The following NAPEPLD variants were observed in gnomAD, a reference collection of about 807,000 sequenced individuals.
NAPEPLD encodes the protein N-acyl phosphatidylethanolamine phospholipase D.
NAPEPLD carries 23 observed loss-of-function variants against 38.1 expected under a neutral mutation model. The observed-to-expected ratio is 0.60, with a 90% CI of 0.43 to 0.86. NAPEPLD has a LOEUF of 0.86. Among genes scored for constraint, NAPEPLD ranks in the 40% least tolerant of loss-of-function variants. The probability of loss-of-function intolerance (pLI) is 0.00; values close to 1 mark genes in which losing one functional copy is unlikely to be tolerated. For synonymous variants in NAPEPLD, 147 were observed against 162.0 expected, an observed-to-expected ratio of 0.91 and a Z score of 0.71; for missense variants, 411 against 476.8, an observed-to-expected ratio of 0.86 and a Z score of 1.28.
Position 103,105,707 on chromosome 7 carries a change from C to T in NAPEPLD, c.1057-2153G>A, listed in dbSNP as rs182314294. ...TCACGCCAGTTAAGGCTGAAGCGGA[C>T]GGATCACCTGAGGTCAGGAGTTTGA... On this transcript the variant is annotated intron_variant, in intron 4 of 4. Transcript: ENST00000465647. Among the ~76,000 whole-genome samples, 529 of 152,168 alleles carry T rather than the reference C, an allele frequency of 3.5e-3. 3 individuals are homozygous for T. Among genetic ancestry groups the T allele is most frequent in the African/African-American group, 0.012 (499 of 41,524 alleles).
rs774540862 is a variant in NAPEPLD, at chr7:103,119,741, T to C, written c.777A>G (p.Leu259=). Residue 259 remains leucine, a synonymous_variant, in exon 3 of 5, where the codon CTA becomes CTG. Transcript: ENST00000465647. The part of the protein sequence containing the change: ...TPSQHWCKRT[L]MDDNKVLWGS... ...CCCATAGCACCTTGTTGTCATCCAT[T>C]AGAGTCCTTTTACACCAGTGCTGGG... 1.2e-6 allele frequency: 2 copies of C among 1,614,042 alleles called. No homozygotes were observed. The highest frequency in any genetic ancestry group is 4.5e-5 in the East Asian group (2 of 44,900).
rs1805317944 is a variant in NAPEPLD at position 103,115,186 on chromosome 7, T to C, written c.942-12A>G. On this transcript the variant is annotated splice_polypyrimidine_tract_variant and intron_variant, in intron 3 of 4. Coordinates refer to ENST00000465647, the MANE Select transcript of NAPEPLD (RefSeq NM_001122838.3). ...ATTTCATAAACCACCTGAAGAAACA[T>C]GGCAATTTCTTAATTCTGACCTTTG... 2 of 1,584,800 alleles carry C rather than the reference T, an allele frequency of 1.3e-6. No homozygotes were observed. Among genetic ancestry groups the C allele is most frequent in the East Asian group, 2.2e-5 (1 of 44,754 alleles).
Position 103,119,806 on chromosome 7 carries a change from C to G in NAPEPLD, c.712G>C (p.Val238Leu), listed in dbSNP as rs763973670. The change falls in exon 3 of 5, where the codon GTC becomes CTC. Residue 238 changes from valine (V) to leucine (L), a missense_variant. Coordinates refer to ENST00000465647, the MANE Select transcript of NAPEPLD (RefSeq NM_001122838.3). Reference protein sequence around the residue: ...IELDWWEENCVPGHDKVTFVF... With the variant: ...IELDWWEENCLPGHDKVTFVF... ...AAAGTGACCTTATCATGTCCGGGGACACAATTCTCCTCCCACCAGTCCAAC... is the reference window on the plus strand; with the variant it reads ...AAAGTGACCTTATCATGTCCGGGGAGACAATTCTCCTCCCACCAGTCCAAC... 6.2e-7 allele frequency: 1 copy of G among 1,614,126 alleles called. No individual in the cohort carries two copies. Among genetic ancestry groups the G allele is most frequent in the Non-Finnish European group, 8.5e-7 (1 of 1,180,032 alleles).
At chr7:103,106,240 C>T (rs951435435) in intron 4 of NAPEPLD, among the ~76,000 whole-genome samples, 7 of 152,154 alleles carry the variant, frequency 4.6e-5, no homozygotes, top group Non-Finnish European at 1.0e-4. Context: ...CAATAGTGTT[C>T]GTAACAGGCA....
At chr7:103,118,873 C>G (rs1044680143) in intron 3 of NAPEPLD, among the ~76,000 whole-genome samples, 2 of 152,290 alleles carry the variant, frequency 1.3e-5, no homozygotes, top group East Asian at 1.9e-4. Flanking sequence ...AATAGTATGT[C>G]AAGGTTGGAG....
At position 103,149,078 on chromosome 7, in the gene NAPEPLD, A is replaced by G. The variant is rs1813206516; in HGVS notation, c.-284T>C. On this transcript the variant is annotated 5_prime_UTR_variant, in exon 1 of 5. Transcript: ENST00000465647. Reference sequence around the variant, plus strand: ...GCTCCACTTCGCCGAAGAATTCCAAACCACCCCAGGCTCAGCAGTGTGGAT... The same window carrying G: ...GCTCCACTTCGCCGAAGAATTCCAAGCCACCCCAGGCTCAGCAGTGTGGAT... 1.0e-6 allele frequency: 1 copy of G among 985,360 alleles called. No homozygotes were observed. The highest frequency in any genetic ancestry group is 1.2e-6 in the Non-Finnish European group (1 of 829,990). The allele number at this position is 985,360 out of a possible 1,614,324, so 61.0% of individuals were successfully genotyped here. A position where few individuals can be genotyped will look rare whatever the true frequency, so the allele number is the denominator to read the frequency against.
At position 103,120,135 on chromosome 7, in the gene NAPEPLD, G is replaced by A. The variant is rs1427486637; in HGVS notation, c.383C>T (p.Thr128Ile). The A allele has an allele frequency of 1.2e-6, 2 of 1,614,184 alleles. No homozygotes were observed. Among genetic ancestry groups the A allele is most frequent in the Non-Finnish European group, 1.7e-6 (2 of 1,180,042 alleles). Residue 128 changes from threonine to isoleucine, a missense_variant, in exon 3 of 5, where the codon ACA becomes ATA. Transcript: ENST00000465647. ...CATTACCGTGGCATGTCCCAGCCAT[G>A]TGACTCTTAAGCCAGCTTCCCTCAC... ...AGVREAGLRVTWLGHATVMVE... is the reference protein window; with the variant it reads ...AGVREAGLRVIWLGHATVMVE...
intron 4 of NAPEPLD, among the ~76,000 whole-genome samples, chr7:103,108,467 C>G (rs565529639): frequency 6.6e-6 from 1 of 152,162 alleles, no homozygotes; most frequent in African/African-American, 2.4e-5. Context: ...ATTTTCAACC[C>G]AGAATTTCAT....
Position 103,103,564 on chromosome 7 carries a change from GAGAA to G in NAPEPLD, c.1057-14_1057-11del. 1.3e-6 allele frequency: 2 copies of G among 1,564,868 alleles called. No homozygotes were observed. The highest frequency in any genetic ancestry group is 1.7e-6 in the Non-Finnish European group (2 of 1,166,578). On this transcript the variant is annotated splice_polypyrimidine_tract_variant and intron_variant, in intron 4 of 4. Transcript: ENST00000465647. Reference sequence around the variant, plus strand: ...GAGGCTCTAAGTAATGCTGGCCAAAGAGAAAGAAGAAAAATAGAAAAAGATTAAA... The same window carrying G: ...GAGGCTCTAAGTAATGCTGGCCAAAGAGAAGAAAAATAGAAAAAGATTAAA...
At position 103,100,619 on chromosome 7, in the gene NAPEPLD, A is replaced by ATCTT. The variant is rs1347601302; in HGVS notation, c.*2806_*2809dup. 3.3e-5 allele frequency: 5 copies of ATCTT among 152,222 alleles called. No homozygotes were observed. Among genetic ancestry groups the ATCTT allele is most frequent in the African/African-American group, 4.8e-5 (2 of 41,454 alleles). The allele number at this position is 152,222 out of a possible 1,614,324, so 9.4% of individuals were successfully genotyped here. On this transcript the variant is annotated 3_prime_UTR_variant, in exon 5 of 5. Coordinates refer to ENST00000465647, the MANE Select transcript of NAPEPLD (RefSeq NM_001122838.3). ...AGTTATCACAGGAAACTTCAATAAA[A>ATCTT]TCTTACATATTGCTATGGGTATTCA...
chr7:103,146,936 A>C (rs1040052457), intron 1 of NAPEPLD, among the ~76,000 whole-genome samples: 13 of 152,254 alleles, frequency 8.5e-5, no homozygotes, highest in African/African-American at 2.4e-4. Flanking sequence ...CTCTCTCTAT[A>C]TATATACATA....
At chr7:103,125,504 T>C (rs1277845187) in intron 2 of NAPEPLD, among the ~76,000 whole-genome samples, 1 of 152,212 alleles carries the variant, frequency 6.6e-6, no homozygotes, top group Non-Finnish European at 1.5e-5. Context: ...ATCAGAGTAT[T>C]CATATTTTCT....
chr7:103,115,971 A>C (rs1464301389), intron 3 of NAPEPLD, among the ~76,000 whole-genome samples: 2 of 152,138 alleles, frequency 1.3e-5, no homozygotes, highest in East Asian at 3.8e-4. Flanking sequence ...TGTCATGGTG[A>C]TGGTGGGAGA....
rs1806216516 is a variant in NAPEPLD, at chr7:103,119,602, T to C, written c.916A>G (p.Ile306Val). The stretch of plus-strand genomic sequence containing the variant: ...CTCGGTTCATAAGCTCCGATGGGAA[T>C]AGCTGCAAGGTCAAAAGGTCCAAAT... ...KRFGPFDLAA[I>V]PIGAYEPRWF... The change falls in exon 3 of 5, where the codon ATT (isoleucine) becomes GTT (valine). Residue 306 changes from isoleucine to valine, a missense_variant. Ile to Val is a conservative substitution (Grantham distance 29, BLOSUM62 3). Coordinates refer to ENST00000465647, the MANE Select transcript of NAPEPLD (RefSeq NM_001122838.3). The C allele has an allele frequency of 6.2e-7, 1 of 1,614,138 alleles. No homozygotes were observed. Among genetic ancestry groups the C allele is most frequent in the African/African-American group, 1.3e-5 (1 of 75,052 alleles).
In NAPEPLD at chr7:103,103,443, C is replaced by T. The variant is rs145478769; in HGVS notation, c.1168G>A (p.Asp390Asn). 7.2e-5 allele frequency: 112 copies of T among 1,561,360 alleles called. No individual in the cohort carries two copies. In the African/African-American group the frequency reaches 1.4e-3, roughly 19 times the overall value. ...HGESRYLNND[D>N]ENF Reference sequence around the variant, plus strand: ...GCTCACATTTATTAAAAGTTTTCATCATCATTATTTAGGTATCTTGATTCT... The same window carrying T: ...GCTCACATTTATTAAAAGTTTTCATTATCATTATTTAGGTATCTTGATTCT... Residue 390 changes from aspartate to asparagine, a missense_variant, in exon 5 of 5, where the codon GAT (aspartate) becomes AAT (asparagine). Physicochemically the swap from Asp to Asn is conservative, Grantham distance 23. Transcript: ENST00000465647.
At chr7:103,141,237 GTT>G (rs1491323729) in intron 1 of NAPEPLD, 9 of 79,126 alleles carry the variant, frequency 1.1e-4, no homozygotes, top group South Asian at 3.5e-4. Flanking sequence ...TACCTGTGGA[GTT>G]GTTTTTTTTT....
At chr7:103,119,552 A>G (rs1388531394) in intron 3 of NAPEPLD, 25 bp downstream of exon 3, 3 of 1,580,632 alleles carry the variant, frequency 1.9e-6, no homozygotes, top group Non-Finnish European at 2.6e-6. Context: ...CATAGCAGGA[A>G]TGTTTTCTTT....
At chr7:103,148,244 T>C (rs1333207962) in intron 1 of NAPEPLD, 8 of 375,294 alleles carry the variant, frequency 2.1e-5, no homozygotes, top group Non-Finnish European at 2.9e-5. Flanking sequence ...CATTTCATGC[T>C]AAGCCAAAGC....
At position 103,102,636 on chromosome 7, in the gene NAPEPLD, G is replaced by A. The variant is rs1350085081; in HGVS notation, c.*793C>T. On this transcript the variant is annotated 3_prime_UTR_variant, in exon 5 of 5. Coordinates refer to ENST00000465647, the MANE Select transcript of NAPEPLD (RefSeq NM_001122838.3). ...AAGAGGTCTTTTGGGAATTGTAGAC[G>A]TGCAATAGAATATACTGTTCCCTCT... The A allele has an allele frequency of 6.6e-6, 1 of 151,966 alleles. No homozygotes were observed. Among genetic ancestry groups the A allele is most frequent in the Non-Finnish European group, 1.5e-5 (1 of 68,004 alleles). 9.4% of individuals were successfully genotyped at this position (151,966 alleles called of 1,614,324 possible).
Sources: gnomAD v4.1 joint callset for allele counts (sites outside exome capture counted in the v4.1 genomes callset) on GRCh38, gnomAD v4.1.1 for gene constraint, MANE v1.5 for transcripts, NCBI Gene and HGNC (gene_info 2026-07-23, HGNC 2026-07-21) for gene names.